Variants in MYH2 observed in about 807,000 individuals in gnomAD.
The protein encoded by MYH2 is myosin-2.
In MYH2, 139 loss-of-function variants were observed where a neutral mutation model predicts 228.1. The ratio of observed to expected loss-of-function variants is 0.61; its 90% CI spans 0.53 to 0.70. The LOEUF (loss-of-function observed/expected upper bound fraction) is 0.70. Ranked by LOEUF, MYH2 falls within the 30% of genes least tolerant of loss-of-function variation. The probability of loss-of-function intolerance (pLI) is 0.00; values close to 1 mark genes in which losing one functional copy is unlikely to be tolerated. For missense variants in MYH2, 1,809 were observed against 2,357.5 expected, an observed-to-expected ratio of 0.77 and a Z score of 4.82; for synonymous variants, 796 against 871.1, an observed-to-expected ratio of 0.91 and a Z score of 1.52.
At chr17:10,545,638 C>T (rs1482061069) in intron 4 of MYH2, 136 bp from the exon 5 acceptor site, 1 of 1,204,484 alleles carries the variant, frequency 8.3e-7, no homozygotes, top group Non-Finnish European at 1.2e-6. Context: ...TACCTCAGCT[C>T]ACTGCAGCCC....
At chr17:10,532,509 A>G (rs1442590501) in intron 21 of MYH2, among the ~76,000 whole-genome samples, 2 of 152,234 alleles carry the variant, frequency 1.3e-5, no homozygotes, top group African/African-American at 4.8e-5. Context: ...CCAAATATAT[A>G]TATATCGTGG....
At position 10,546,255 on chromosome 17, in the gene MYH2, T is replaced by TTATATATATATATATA. The variant is rs1376514619; in HGVS notation, c.349-754_349-753insTATATATATATATATA. 9.3e-3 allele frequency among the ~76,000 whole-genome samples: 252 copies of TTATATATATATATATA among 27,144 alleles called. 6 individuals carry two copies. The highest frequency in any genetic ancestry group is 0.05 in the South Asian group (26 of 520). The allele number at this position is 27,144 out of a possible 152,430, so 17.8% of individuals were successfully genotyped here. On this transcript the variant is annotated intron_variant, in intron 4 of 39. Transcript: ENST00000245503. ...AGTTATAAGGAAACAGGACACGAAA[T>TTATATATATATATATA]GATATATATATATATATATATATAT...
At position 10,525,919 on chromosome 17, in the gene MYH2, A is replaced by G. The variant is rs758778246; in HGVS notation, c.4188-43T>C. On this transcript the variant is annotated intron_variant, in intron 30 of 39. Coordinates refer to ENST00000245503, the MANE Select transcript of MYH2 (RefSeq NM_017534.6). The surrounding 1 kb of genome is among the most constrained non-coding windows in gnomAD (Gnocchi z 4.2). ...TTTTCAGAGAGAAGTGAACCATAAT[A>G]TGAATTATGAGCTATTGCCACACAC... is the stretch of plus-strand genomic sequence containing the variant. The G allele has an allele frequency of 6.5e-5, 103 of 1,593,202 alleles. 2 individuals carry two copies. The South Asian group carries it at 1.1e-3, about 16-fold the overall frequency.
chr17:10,527,102 A>T (rs1210078162), intron 28 of MYH2, 46 bp from the exon 29 acceptor site: 1 of 1,548,788 alleles, frequency 6.5e-7, no homozygotes, highest in South Asian at 1.1e-5. Context: ...GAAAAACAAG[A>T]TTCTGCAAGC....
chr17:10,528,568 T>A (rs1301699605), intron 27 of MYH2, 122 bp downstream of exon 27: 4 of 1,395,500 alleles, frequency 2.9e-6, no homozygotes, highest in Non-Finnish European at 4.0e-6. Context: ...TGATTTTTTG[T>A]GCTTACTTCC....
rs538937538 is a variant in MYH2, at chr17:10,538,792, A to T, written c.1416+413T>A. 2.9e-4 allele frequency among the ~76,000 whole-genome samples: 44 copies of T among 152,286 alleles called. 1 individual carries two copies. The highest frequency in any genetic ancestry group is 6.8e-3 in the Middle Eastern group (2 of 294). Reference sequence around the variant, plus strand: ...GAAAAAAAAATTAAACTTCTTGAAAACTATAATCAAGAAAAATATATTTCG... The same window carrying T: ...GAAAAAAAAATTAAACTTCTTGAAATCTATAATCAAGAAAAATATATTTCG... On this transcript the variant is annotated intron_variant, in intron 14 of 39. Transcript: ENST00000245503.
intron 10 of MYH2, among the ~76,000 whole-genome samples, chr17:10,541,890 T>C (rs958078157): frequency 6.6e-6 from 1 of 152,202 alleles, no homozygotes; most frequent in Non-Finnish European, 1.5e-5. Flanking sequence ...TGTTGATGAC[T>C]GATGGGCACT....
At chr17:10,531,503 A>T (rs1411893427) in intron 22 of MYH2, 130 bp downstream of exon 22, 28 of 1,304,624 alleles carry the variant, frequency 2.1e-5, no homozygotes, top group Non-Finnish European at 3.0e-5. Flanking sequence ...TTTTCGTGCC[A>T]TTGGAGTGTT....
In MYH2 at chr17:10,537,627, G is replaced by A. The variant is rs1285326914; in HGVS notation, c.1587+38C>T. On this transcript the variant is annotated intron_variant, in intron 15 of 39. Coordinates refer to ENST00000245503, the MANE Select transcript of MYH2 (RefSeq NM_017534.6). This position sits in a 1 kb window ranked among gnomAD's most constrained non-coding sequence, Gnocchi z 4.0. ...AAAATAAAAAGCAGCGAATAATATA[G>A]TTGCCGCAAAATATGGTTTCAGAAA... 1 of 1,614,120 alleles carries A rather than the reference G, an allele frequency of 6.2e-7. No individual in the cohort carries two copies. The highest frequency in any genetic ancestry group is 8.5e-7 in the Non-Finnish European group (1 of 1,180,024).
At position 10,521,512 on chromosome 17, in the gene MYH2, G is replaced by C. The variant is rs1644922800; in HGVS notation, c.5674-80C>G. 1.6e-5 allele frequency: 23 copies of C among 1,469,396 alleles called. No homozygotes were observed. In the South Asian group the frequency reaches 2.4e-4, roughly 15 times the overall value. 91.0% of individuals were successfully genotyped at this position (1,469,396 alleles called of 1,614,324 possible). The stretch of plus-strand genomic sequence containing the variant: ...TTAGACCTAATAGAAGAAAGGACTT[G>C]GCATCTATGGAGAAGCAACATCTAG... On this transcript the variant is annotated intron_variant, in intron 39 of 39. Coordinates refer to ENST00000245503, the MANE Select transcript of MYH2 (RefSeq NM_017534.6).
In MYH2 at chr17:10,525,536, G is replaced by T. The variant is rs2073340376; in HGVS notation, c.4452C>A (p.Gly1484=). 1 of 1,614,178 alleles carries T rather than the reference G, an allele frequency of 6.2e-7. No homozygotes were observed. Among genetic ancestry groups the T allele is most frequent in the Non-Finnish European group, 8.5e-7 (1 of 1,180,012 alleles). ...EASQKEARSL[G]TELFKIKNAY... ...CATTCTTTATCTTGAACAGCTCAGT[G>T]CCAAGGGAACGGGCCTCCTTCTGGG... Residue 1484 remains glycine (G), a synonymous_variant, in exon 32 of 40, where the codon GGC becomes GGA. Transcript: ENST00000245503. The surrounding 1 kb of genome is among the most constrained non-coding windows in gnomAD (Gnocchi z 4.2).
chr17:10,546,204 C>G (rs1309977539), intron 4 of MYH2, among the ~76,000 whole-genome samples: 3 of 135,660 alleles, frequency 2.2e-5, no homozygotes, highest in African/African-American at 8.3e-5. Flanking sequence ...CAGCAACACT[C>G]AGGAAATATT....
chr17:10,523,254 G>C (rs1264111463), intron 38 of MYH2, 54 bp downstream of exon 38: 20 of 1,606,102 alleles, frequency 1.2e-5, no homozygotes, highest in Non-Finnish European at 1.7e-5. Flanking sequence ...TTGCATATGA[G>C]TATTTCACAT....
intron 27 of MYH2, among the ~76,000 whole-genome samples, chr17:10,528,304 G>T (rs1453928376): frequency 6.6e-6 from 1 of 152,082 alleles, no homozygotes; most frequent in Admixed American, 6.5e-5. Context: ...GATTTTGTTA[G>T]AATTGTATAG....
intron 5 of MYH2, among the ~76,000 whole-genome samples, chr17:10,544,709 G>A (rs1408450004): frequency 1.3e-5 from 2 of 152,164 alleles, no homozygotes; most frequent in African/African-American, 4.8e-5. Flanking sequence ...TCTCTGAAGA[G>A]GAATTCTCTA....
rs768809024 is a variant in MYH2 at position 10,533,440 on chromosome 17, G to T, written c.2305-19C>A. On this transcript the variant is annotated intron_variant, in intron 20 of 39. Transcript: ENST00000245503. ...AAAAGACCTGTGAATGGAAAGAGTT[G>T]CAAATCACAAGCTTTAATAAAGTTC... 6.2e-6 allele frequency: 10 copies of T among 1,613,994 alleles called. No homozygotes were observed. The highest frequency in any genetic ancestry group is 1.7e-5 in the Admixed American group (1 of 59,998).
Position 10,523,478 on chromosome 17 carries a change from A to C in MYH2, c.5472+18T>G, listed in dbSNP as rs762213493. On this transcript the variant is annotated intron_variant, in intron 37 of 39. Coordinates refer to ENST00000245503, the MANE Select transcript of MYH2 (RefSeq NM_017534.6). ...GCACTGAAAGCAGATGGAAATAGAC[A>C]GATATTGGGAGACCCACCCTGGCCT... 4 of 1,614,092 alleles carry C rather than the reference A, an allele frequency of 2.5e-6. No homozygotes were observed. Among genetic ancestry groups the C allele is most frequent in the Non-Finnish European group, 3.4e-6 (4 of 1,180,060 alleles).
intron 39 of MYH2, 146 bp from the exon 40 acceptor site, chr17:10,521,578 G>T (rs2142288027): frequency 3.6e-6 from 2 of 559,554 alleles, no homozygotes; most frequent in Non-Finnish European, 6.1e-6. Context: ...GTTTATTGAT[G>T]TCATATATAT....
chr17:10,540,396 A>G (rs906670777), intron 11 of MYH2, among the ~76,000 whole-genome samples, 198 bp downstream of exon 11: 8 of 152,076 alleles, frequency 5.3e-5, no homozygotes, highest in Non-Finnish European at 1.0e-4. Flanking sequence ...TTCAGAAATG[A>G]TAGATCTTTA....
Sources: allele counts gnomAD v4.1 joint callset (sites outside exome capture counted in the v4.1 genomes callset), GRCh38; gene constraint gnomAD v4.1.1; non-coding constraint Gnocchi (gnomAD v3.1); transcripts MANE v1.5; gene names NCBI Gene and HGNC (gene_info 2026-07-23, HGNC 2026-07-21).